The following KCNIP4 variants were observed in gnomAD, a reference collection of about 807,000 sequenced individuals.
KCNIP4 encodes Kv channel-interacting protein 4.
KCNIP4 carries 12 observed loss-of-function variants against 34.0 expected under a neutral mutation model. The ratio of observed to expected loss-of-function variants is 0.35; its 90% CI spans 0.23 to 0.57. KCNIP4 has a LOEUF of 0.57. Ranked by LOEUF, KCNIP4 falls within the 20% of genes least tolerant of loss-of-function variation. KCNIP4 has a pLI of 0.83. For synonymous variants in KCNIP4, 124 were observed against 102.2 expected (o/e 1.21, Z -1.29); for missense variants, 238 against 311.7 (o/e 0.76, Z 1.78).
intron 1 of KCNIP4, among the ~76,000 whole-genome samples, chr4:21,100,138 A>G (rs1747809293): frequency 2.0e-5 from 3 of 152,114 alleles, no homozygotes; most frequent in Admixed American, 1.3e-4. Context: ...TTGAGAGTCG[A>G]CTCCAATTTT....
At position 21,126,067 on chromosome 4, in the gene KCNIP4, C is replaced by T. The variant is rs78431773; in HGVS notation, c.62-243358G>A. 1.8e-3 allele frequency among the ~76,000 whole-genome samples: 273 copies of T among 151,922 alleles called. 2 individuals are homozygous for T. Among genetic ancestry groups the T allele is most frequent in the African/African-American group, 6.1e-3 (253 of 41,416 alleles). ...CATGATTGAGACAGGGTATAAATACCCTGCAATTATCTTAGGCAGACTGAG... is the reference window on the plus strand; with the variant it reads ...CATGATTGAGACAGGGTATAAATACTCTGCAATTATCTTAGGCAGACTGAG... On this transcript the variant is annotated intron_variant, in intron 1 of 8. Coordinates refer to ENST00000382152, the MANE Select transcript of KCNIP4 (RefSeq NM_025221.6).
At chr4:21,106,956 T>C (rs1433438168) in intron 1 of KCNIP4, among the ~76,000 whole-genome samples, 1 of 150,968 alleles carries the variant, frequency 6.6e-6, no homozygotes, top group Non-Finnish European at 1.5e-5. Context: ...CACTGTGGTC[T>C]GAGAGACAGT....
chr4:20,976,451 T>C (rs1735500101), intron 1 of KCNIP4, among the ~76,000 whole-genome samples: 1 of 152,204 alleles, frequency 6.6e-6, no homozygotes, highest in South Asian at 2.1e-4. Flanking sequence ...ACTTATATTT[T>C]AGTATTCCTA....
chr4:21,693,941 A>G (rs1312491959), intron 1 of KCNIP4, among the ~76,000 whole-genome samples: 1 of 152,172 alleles, frequency 6.6e-6, no homozygotes, highest in African/African-American at 2.4e-5. Flanking sequence ...TCCAGGCAAT[A>G]TTCACCTCAC....
intron 1 of KCNIP4, among the ~76,000 whole-genome samples, chr4:21,101,834 T>C (rs1318449700): frequency 6.6e-6 from 1 of 152,192 alleles, no homozygotes; most frequent in East Asian, 1.9e-4. Context: ...TGACTCAGAT[T>C]ACAGAGGGAA....
At chr4:21,747,348 T>C (rs1013905613) in intron 1 of KCNIP4, among the ~76,000 whole-genome samples, 6 of 152,148 alleles carry the variant, frequency 3.9e-5, no homozygotes, top group Admixed American at 6.6e-5. Context: ...ATCCACTTTA[T>C]CTGCTGAAAG....
At chr4:20,847,846 G>T (rs902515679) in intron 3 of KCNIP4, among the ~76,000 whole-genome samples, 5 of 152,148 alleles carry the variant, frequency 3.3e-5, no homozygotes, top group Non-Finnish European at 7.3e-5. Flanking sequence ...TCACAGTATG[G>T]AGAGTTTTAA....
intron 1 of KCNIP4, among the ~76,000 whole-genome samples, chr4:20,968,111 T>G (rs958684967): frequency 6.6e-5 from 10 of 151,936 alleles, no homozygotes; most frequent in Non-Finnish European, 1.3e-4. Flanking sequence ...CAAAAAGTGG[T>G]CAAAGGATAT....
In KCNIP4 at chr4:21,931,471, G is replaced by A. The variant is rs532013278; in HGVS notation, c.61+17100C>T. ...GTGTGATGTTCCCCTTCCTGTGTCC[G>A]TGTGTTCTCATTGTTCAATTCCCAC... On this transcript the variant is annotated intron_variant, in intron 1 of 8. Coordinates refer to ENST00000382152, the MANE Select transcript of KCNIP4 (RefSeq NM_025221.6). Among the ~76,000 whole-genome samples the A allele has an allele frequency of 5.1e-3, 673 of 132,080 alleles. 8 individuals carry two copies. The highest frequency in any genetic ancestry group is 0.019 in the African/African-American group (635 of 34,322). 86.6% of individuals were successfully genotyped at this position (132,080 alleles called of 152,430 possible). A position where few individuals can be genotyped will look rare whatever the true frequency, so the allele number is the denominator to read the frequency against.
chr4:21,176,573 A>G (rs1192791221), intron 1 of KCNIP4, among the ~76,000 whole-genome samples: 1 of 152,182 alleles, frequency 6.6e-6, no homozygotes, highest in Non-Finnish European at 1.5e-5. Flanking sequence ...GGCTAGATAG[A>G]GTGCAATGGC....
chr4:21,898,281 A>G (rs1249796739), intron 1 of KCNIP4, among the ~76,000 whole-genome samples: 2 of 152,114 alleles, frequency 1.3e-5, no homozygotes, highest in African/African-American at 4.8e-5. Flanking sequence ...TGGGATGCAC[A>G]TGACCTAGCA....
intron 3 of KCNIP4, among the ~76,000 whole-genome samples, chr4:20,776,746 G>A (rs1314220757): frequency 2.0e-5 from 3 of 151,838 alleles, no homozygotes; most frequent in Non-Finnish European, 4.4e-5. Context: ...TGACATATTT[G>A]TGTCAGCTTA....
chr4:21,109,970 T>G (rs1197379712), intron 1 of KCNIP4, among the ~76,000 whole-genome samples: 2 of 152,140 alleles, frequency 1.3e-5, no homozygotes, highest in East Asian at 3.9e-4. Context: ...TATTATTATT[T>G]GAAATACACA....
chr4:21,730,013 A>T (rs1229827248), intron 1 of KCNIP4: 1 of 151,876 alleles, frequency 6.6e-6, no homozygotes, highest in Admixed American at 6.6e-5. Context: ...TTGAAGAATC[A>T]CTGTTCTTCA....
At chr4:21,103,702 T>C (rs1014897314) in intron 1 of KCNIP4, among the ~76,000 whole-genome samples, 2 of 151,342 alleles carry the variant, frequency 1.3e-5, no homozygotes, top group East Asian at 3.9e-4. Context: ...TCATTTAGCA[T>C]TAGGTATATC....
intron 5 of KCNIP4, among the ~76,000 whole-genome samples, 172 bp from the exon 6 acceptor site, chr4:20,734,907 C>T (rs1037174145): frequency 6.6e-6 from 1 of 152,044 alleles, no homozygotes; most frequent in Non-Finnish European, 1.5e-5. Context: ...ATAAATCACT[C>T]CTTAGTCTTA....
chr4:21,680,699 A>G (rs543263353), intron 1 of KCNIP4, among the ~76,000 whole-genome samples: 52 of 152,326 alleles, frequency 3.4e-4, no homozygotes, highest in Non-Finnish European at 6.9e-4. Flanking sequence ...CTCTTTGTCT[A>G]TCTCCATCAG....
At chr4:21,602,338 T>G (rs1188254246) in intron 1 of KCNIP4, among the ~76,000 whole-genome samples, 1 of 152,178 alleles carries the variant, frequency 6.6e-6, no homozygotes, top group Admixed American at 6.6e-5. Context: ...ATGAATCTTA[T>G]TCATCTCAGG....
chr4:21,178,785 CCTT>C (rs377241687), intron 1 of KCNIP4, among the ~76,000 whole-genome samples: 1 of 151,590 alleles, frequency 6.6e-6, no homozygotes, highest in Admixed American at 6.6e-5. Flanking sequence ...CCAGAGAACT[CCTT>C]CTAGTTTTCT....
Sources: gnomAD v4.1 joint callset for allele counts (sites outside exome capture counted in the v4.1 genomes callset) on GRCh38, gnomAD v4.1.1 for gene constraint, MANE v1.5 for transcripts, NCBI Gene and HGNC (gene_info 2026-07-23, HGNC 2026-07-21) for gene names.